Variants in LOXHD1 observed in about 807,000 individuals in gnomAD.
LOXHD1 encodes the protein lipoxygenase homology PLAT domains 1.
LOXHD1 carries 205 observed loss-of-function variants against 248.2 expected under a neutral mutation model. The ratio of observed to expected loss-of-function variants is 0.83; its 90% CI spans 0.74 to 0.93. LOXHD1 has a LOEUF of 0.93. LOXHD1 is among the 40% of genes least tolerant of loss of function. The pLI is 0.00. For synonymous variants in LOXHD1, 1,113 were observed against 1,162.8 expected (o/e 0.96, Z 0.87); for missense variants, 2,930 against 2,971.6 (o/e 0.99, Z 0.33).
chr18:46,485,243 A>G, intron 38 of LOXHD1, 92 bp from the exon 39 acceptor site: 1 of 1,453,098 alleles, frequency 6.9e-7, no homozygotes, highest in Non-Finnish European at 9.3e-7. Flanking sequence ...CCGGTCCTTC[A>G]TTTGATCTTA....
intron 37 of LOXHD1, among the ~76,000 whole-genome samples, chr18:46,494,955 GC>G (rs548060801): frequency 0.011 from 1,630 of 144,704 alleles, 14 homozygotes; most frequent in Middle Eastern, 0.02. Context: ...CCGGGTTCAC[GC>G]CATTCTCCTG....
chr18:46,538,467 G>T, intron 25 of LOXHD1, 130 bp from the exon 26 acceptor site: 1 of 908,694 alleles, frequency 1.1e-6, no homozygotes, highest in Non-Finnish European at 1.7e-6. Context: ...CCGGGGAACT[G>T]CTGCTCAGGG....
chr18:46,601,516 T>C (rs1398866798), intron 7 of LOXHD1, 49 bp from the exon 8 acceptor site: 11 of 1,551,120 alleles, frequency 7.1e-6, no homozygotes, highest in East Asian at 2.4e-5. Flanking sequence ...AGCTGCATCA[T>C]AATATCCCAC....
chr18:46,602,449 A>AC (rs962219946), intron 7 of LOXHD1, among the ~76,000 whole-genome samples: 9 of 151,604 alleles, frequency 5.9e-5, no homozygotes, highest in East Asian at 3.9e-4. Flanking sequence ...CAAGTGATCC[A>AC]CCCCCCTCAG....
At chr18:46,603,966 T>C in intron 7 of LOXHD1, 140 bp downstream of exon 7, 2 of 1,189,322 alleles carry the variant, frequency 1.7e-6, no homozygotes, top group South Asian at 3.1e-5. Context: ...GACAGAACAG[T>C]TTCAGGAGCA....
chr18:46,569,212 A>G (rs1037358216), intron 16 of LOXHD1, among the ~76,000 whole-genome samples: 24 of 152,322 alleles, frequency 1.6e-4, no homozygotes, highest in Admixed American at 1.4e-3. Context: ...AGGCTCTGGA[A>G]GCATCACTAC....
chr18:46,520,201 C>T, intron 33 of LOXHD1: 2 of 458,870 alleles, frequency 4.4e-6, no homozygotes, highest in South Asian at 1.6e-5. Flanking sequence ...AGTGGCAGGC[C>T]CCCACACTCC....
At chr18:46,517,390 A>C (rs540032684) in intron 34 of LOXHD1, among the ~76,000 whole-genome samples, 2 of 152,214 alleles carry the variant, frequency 1.3e-5, no homozygotes, top group Non-Finnish European at 2.9e-5. Flanking sequence ...GACTTTGAGC[A>C]TATGACTTTA....
intron 29 of LOXHD1, among the ~76,000 whole-genome samples, chr18:46,526,636 T>C (rs1243887771): frequency 1.3e-5 from 2 of 152,180 alleles, no homozygotes; most frequent in East Asian, 1.9e-4. Flanking sequence ...ACAAATCCCA[T>C]GAAGGACTCA....
chr18:46,592,727 C>T, intron 10 of LOXHD1, 143 bp from the exon 11 acceptor site: 1 of 691,218 alleles, frequency 1.4e-6, no homozygotes, highest in Non-Finnish European at 2.5e-6. Context: ...AAGCCACCCT[C>T]ACATATTTTA....
At chr18:46,494,073 C>T (rs2033672187) in intron 37 of LOXHD1, among the ~76,000 whole-genome samples, 1 of 152,168 alleles carries the variant, frequency 6.6e-6, no homozygotes, top group Non-Finnish European at 1.5e-5. Context: ...CTCTGCAATG[C>T]CCTCCAAAAT....
At position 46,516,153 on chromosome 18, in the gene LOXHD1, T is replaced by C. The variant is rs562665276; in HGVS notation, c.5399+1976A>G. ...CTTTATTTCTAGAACCAAGTTCAAATCCCAGTTCCCCTACTTACTTGCTGT... is the reference window on the plus strand; with the variant it reads ...CTTTATTTCTAGAACCAAGTTCAAACCCCAGTTCCCCTACTTACTTGCTGT... On this transcript the variant is annotated intron_variant, in intron 34 of 40. Coordinates refer to ENST00000642948, the MANE Select transcript of LOXHD1 (RefSeq NM_001384474.1). Among the ~76,000 whole-genome samples the C allele has an allele frequency of 3.3e-5, 5 of 152,304 alleles. No individual in the cohort carries two copies. In the South Asian group the frequency reaches 1.0e-3, roughly 32 times the overall value.
Position 46,521,200 on chromosome 18 carries a change from T to C in LOXHD1, c.5168A>G (p.Tyr1723Cys), listed in dbSNP as rs1210203485. The change falls in exon 33 of 41, where the codon TAC (tyrosine) becomes TGC (cysteine). Residue 1723 changes from tyrosine to cysteine, a missense_variant. By Grantham distance (194) the Tyr-to-Cys change is radical (BLOSUM62 -2). Transcript: ENST00000642948. ...CLAVPTQGTK[Y>C]MLNCNCWLAK... ...CAGCCAGCAGTTACAGTTCAACATG[T>C]ACTTGGTGCCCTGGGTGGGCACTGC... 4.5e-6 allele frequency: 7 copies of C among 1,551,598 alleles called. No individual in the cohort carries two copies. The highest frequency in any genetic ancestry group is 4.4e-6 in the Non-Finnish European group (5 of 1,147,010).
intron 23 of LOXHD1, 95 bp from the exon 24 acceptor site, chr18:46,542,950 A>G (rs1390645261): frequency 2.0e-6 from 3 of 1,495,776 alleles, no homozygotes; most frequent in Non-Finnish European, 2.7e-6. Flanking sequence ...AAATGACCAA[A>G]TTTCTGAACT....
At chr18:46,563,732 CTAGTT>C (rs965208422) in intron 17 of LOXHD1, among the ~76,000 whole-genome samples, 1 of 152,130 alleles carries the variant, frequency 6.6e-6, no homozygotes, top group Admixed American at 6.5e-5. Context: ...AAAGAGGTGA[CTAGTT>C]TAAATGAGAC....
At chr18:46,602,425 C>T (rs2038353737) in intron 7 of LOXHD1, among the ~76,000 whole-genome samples, 2 of 151,970 alleles carry the variant, frequency 1.3e-5, no homozygotes, top group South Asian at 2.1e-4. Flanking sequence ...AGACTGGTCT[C>T]GAACCCCTGG....
chr18:46,521,968 T>C, intron 32 of LOXHD1, 133 bp downstream of exon 32: 1 of 724,394 alleles, frequency 1.4e-6, no homozygotes, highest in Non-Finnish European at 2.2e-6. Flanking sequence ...TTGGTTCTTC[T>C]CTGCTACCTG....
chr18:46,607,262 T>C (rs1045333395), intron 6 of LOXHD1, among the ~76,000 whole-genome samples: 4 of 151,222 alleles, frequency 2.6e-5, no homozygotes, highest in Admixed American at 6.6e-5. Flanking sequence ...GAAAACAAAT[T>C]TGTAAAATAT....
chr18:46,545,336 A>G lies in LOXHD1; in HGVS notation c.3600T>C (p.Phe1200=). The G allele has an allele frequency of 6.4e-7, 1 of 1,551,704 alleles. No individual in the cohort carries two copies. The highest frequency in any genetic ancestry group is 8.7e-7 in the Non-Finnish European group (1 of 1,146,874). ...TCTTACCAGTGTCATCCTGTGTGCC[A>G]AAGAGTGTGATGAAGACATTAGCAT... ...GTDANVFITL[F]GTQDDTGMTL... The change falls in exon 23 of 41, where the codon TTT becomes TTC. Residue 1200 remains phenylalanine, a synonymous_variant. Transcript: ENST00000642948.
Sources: gnomAD v4.1 joint callset for allele counts (sites outside exome capture counted in the v4.1 genomes callset) on GRCh38, gnomAD v4.1.1 for gene constraint, MANE v1.5 for transcripts, NCBI Gene and HGNC (gene_info 2026-07-23, HGNC 2026-07-21) for gene names.